MYO18B: variants seen among roughly 807,000 people sequenced by gnomAD.
MYO18B encodes the protein myosin XVIIIB.
MYO18B carries 204 observed loss-of-function variants against 273.0 expected under a neutral mutation model. That is an observed-to-expected ratio of 0.75 (90% CI 0.67 to 0.84). The LOEUF is 0.84. Among genes scored for constraint, MYO18B ranks in the 40% least tolerant of loss-of-function variants. The pLI is 0.00. For missense variants in MYO18B, 3,212 were observed against 3,287.6 expected, an observed-to-expected ratio of 0.98 and a Z score of 0.56; for synonymous variants, 1,330 against 1,305.7, an observed-to-expected ratio of 1.02 and a Z score of -0.40.
At chr22:25,813,028 C>T (rs1569055806) in intron 12 of MYO18B, among the ~76,000 whole-genome samples, 1 of 150,160 alleles carries the variant, frequency 6.7e-6, no homozygotes, top group South Asian at 2.1e-4. Flanking sequence ...TCCTCCTTTC[C>T]TTCTTTCTCA....
chr22:25,976,839 T>C (rs2093095192), intron 39 of MYO18B, among the ~76,000 whole-genome samples: 1 of 152,210 alleles, frequency 6.6e-6, no homozygotes, highest in South Asian at 2.1e-4. Flanking sequence ...CAAGCTCATT[T>C]AAGATGTTTC....
intron 16 of MYO18B, among the ~76,000 whole-genome samples, chr22:25,833,559 C>T (rs1286586751): frequency 6.6e-6 from 1 of 152,186 alleles, no homozygotes; most frequent in Non-Finnish European, 1.5e-5. Flanking sequence ...TCAGAACTGC[C>T]CTTGACAATT....
At chr22:26,046,468 T>C in the MYO18B span, among the ~76,000 whole-genome samples, 1 of 152,230 alleles carries the variant, frequency 6.6e-6, no homozygotes, top group Non-Finnish European at 1.5e-5. Context: ...TTACATTTCT[T>C]CAACTTCTCC....
At position 25,908,352 on chromosome 22, in the gene MYO18B, C is replaced by T. The variant is rs770441349; in HGVS notation, c.5179C>T (p.Arg1727Trp). The T allele has an allele frequency of 1.4e-5, 22 of 1,597,692 alleles. No individual in the cohort carries two copies. In the Admixed American group the frequency reaches 1.4e-4, roughly 10 times the overall value. Residue 1727 changes from arginine (R) to tryptophan (W), a missense_variant, in exon 32 of 44, where the codon CGG becomes TGG. Arg to Trp is a moderately radical substitution (Grantham distance 101). Coordinates refer to ENST00000335473, the MANE Select transcript of MYO18B (RefSeq NM_032608.7). ...LRQRFELEIERMKQMHQKDRE... is the reference protein window; with the variant it reads ...LRQRFELEIEWMKQMHQKDRE... ...CCAGCGGTTTGAGCTGGAGATCGAGCGGATGAAGCAGATGCACCAGAAGGA... is the reference window on the plus strand; with the variant it reads ...CCAGCGGTTTGAGCTGGAGATCGAGTGGATGAAGCAGATGCACCAGAAGGA...
At chr22:25,975,054 G>A (rs7292234) in intron 39 of MYO18B, among the ~76,000 whole-genome samples, 19,279 of 152,008 alleles carry the variant, frequency 0.13, 1,450 homozygotes, top group African/African-American at 0.22. Flanking sequence ...CAAGCCCCTC[G>A]ATCAGAAGCA....
chr22:25,850,829 T>G (rs2090404862), intron 20 of MYO18B, among the ~76,000 whole-genome samples: 1 of 152,226 alleles, frequency 6.6e-6, no homozygotes, highest in Non-Finnish European at 1.5e-5. Flanking sequence ...CCCCTCTGCC[T>G]AGACTTCTCT....
At chr22:25,856,637 A>G (rs1368095762) in intron 21 of MYO18B, among the ~76,000 whole-genome samples, 1 of 152,218 alleles carries the variant, frequency 6.6e-6, no homozygotes, top group Non-Finnish European at 1.5e-5. Context: ...GGAACTGAGT[A>G]GGAGAAAGGT....
intron 40 of MYO18B, among the ~76,000 whole-genome samples, chr22:25,994,462 G>C (rs961805646): frequency 1.3e-5 from 2 of 152,164 alleles, no homozygotes; most frequent in Non-Finnish European, 2.9e-5. Flanking sequence ...GACAGAGCAA[G>C]ACCCTGTCTC....
At chr22:26,015,695 G>C (rs554774700) in intron 42 of MYO18B, among the ~76,000 whole-genome samples, 4 of 152,120 alleles carry the variant, frequency 2.6e-5, no homozygotes, top group Non-Finnish European at 4.4e-5. Context: ...AAAATAACTA[G>C]TGAGTACTAG....
intron 25 of MYO18B, among the ~76,000 whole-genome samples, chr22:25,884,495 C>T (rs2157538): frequency 0.35 from 53,461 of 151,968 alleles, 9,905 homozygotes; most frequent in Middle Eastern, 0.45. Context: ...GGAGTATCTC[C>T]TGGTGGACAG....
chr22:25,997,978 C>CACACACACACGAGAGAGAGAGA (rs34431605), intron 40 of MYO18B, among the ~76,000 whole-genome samples: 18 of 144,640 alleles, frequency 1.2e-4, no homozygotes, highest in African/African-American at 4.0e-4. Context: ...CACACACACA[C>CACACACACACGAGAGAGAGAGA]GAGAGAGAGA....
At chr22:25,905,065 G>T (rs1601534474) in intron 31 of MYO18B, among the ~76,000 whole-genome samples, 1 of 150,314 alleles carries the variant, frequency 6.7e-6, no homozygotes, top group East Asian at 1.9e-4. Flanking sequence ...TAAAAAAAAT[G>T]CTGAGGCCAC....
chr22:26,027,530 A>G lies in MYO18B; in HGVS notation c.7556A>G (p.Lys2519Arg), dbSNP rs2044999584. ...SSSSGSIVSF[K>R]SADSIKSRPG... ...TCCTCCGGCTCCATCGTGTCCTTCA[A>G]AAGTGCTGACAGCATCAAAAGTCGA... is the stretch of plus-strand genomic sequence containing the variant. The change falls in exon 43 of 44, where the codon AAA (lysine) becomes AGA (arginine). Residue 2519 changes from lysine to arginine, a missense_variant. Transcript: ENST00000335473. This position sits in a 1 kb window ranked among gnomAD's most constrained non-coding sequence, Gnocchi z 4.1. 1.9e-6 allele frequency: 3 copies of G among 1,613,886 alleles called. No individual in the cohort carries two copies. The African/African-American group carries it at 4.0e-5, about 22-fold the overall frequency.
chr22:25,841,894 G>C (rs937409322), intron 17 of MYO18B, among the ~76,000 whole-genome samples: 1 of 152,224 alleles, frequency 6.6e-6, no homozygotes, highest in African/African-American at 2.4e-5. Context: ...GCCAAAGCCT[G>C]GTGTGTGCTT....
chr22:25,926,434 G>A (rs145791737), intron 34 of MYO18B, among the ~76,000 whole-genome samples: 1,613 of 151,804 alleles, frequency 0.011, 36 homozygotes, highest in African/African-American at 0.037. Flanking sequence ...ACAGGCATCC[G>A]CCACCATGCC....
At chr22:26,010,813 G>GA (rs1934850412) in intron 42 of MYO18B, among the ~76,000 whole-genome samples, 2 of 152,094 alleles carry the variant, frequency 1.3e-5, no homozygotes, top group African/African-American at 4.8e-5. Context: ...AGAAAACCAT[G>GA]AGCACAACAG....
At position 25,780,093 on chromosome 22, in the gene MYO18B, C is replaced by T; in HGVS notation, c.2106C>T (p.Ala702=). 1 of 1,599,066 alleles carries T rather than the reference C, an allele frequency of 6.3e-7. No homozygotes were observed. The highest frequency in any genetic ancestry group is 8.5e-7 in the Non-Finnish European group (1 of 1,173,862). ...KIRATFTVLR[A]FGSVSMAHSR... Reference sequence around the variant, plus strand: ...GAGCCACCTTCACTGTCCTCCGGGCCTTCGGCTCTGTGTCCATGGCCCACA... The same window carrying T: ...GAGCCACCTTCACTGTCCTCCGGGCTTTCGGCTCTGTGTCCATGGCCCACA... The change falls in exon 9 of 44, where the codon GCC becomes GCT. Residue 702 remains alanine, a synonymous_variant. Transcript: ENST00000335473.
At chr22:26,046,066 C>A in the MYO18B span, among the ~76,000 whole-genome samples, 2 of 152,178 alleles carry the variant, frequency 1.3e-5, no homozygotes, top group Admixed American at 1.3e-4. Flanking sequence ...CTAGGCAACC[C>A]ATTTCCATTT....
chr22:25,785,355 T>C, intron 10 of MYO18B, 73 bp from the exon 11 acceptor site: 1 of 1,467,978 alleles, frequency 6.8e-7, no homozygotes, highest in Non-Finnish European at 9.3e-7. Context: ...AGCCTCACAC[T>C]GTGACGACCA....
Sources: allele counts gnomAD v4.1 joint callset (sites outside exome capture counted in the v4.1 genomes callset), GRCh38; gene constraint gnomAD v4.1.1; non-coding constraint Gnocchi (gnomAD v3.1); transcripts MANE v1.5; gene names NCBI Gene and HGNC (gene_info 2026-07-23, HGNC 2026-07-21).